Variants in ZNF133 observed in about 807,000 individuals in gnomAD.
The protein encoded by ZNF133 is zinc finger protein 133, also known as zinc finger protein 133 (clone pHZ-13).
In ZNF133, 26 loss-of-function variants were observed where a neutral mutation model predicts 54.9. The observed-to-expected ratio is 0.47, with a 90% confidence interval of 0.35 to 0.66. The LOEUF (loss-of-function observed/expected upper bound fraction) is 0.66, where lower values mean the gene tolerates loss of function less well. Among genes scored for constraint, ZNF133 ranks in the 30% least tolerant of loss-of-function variants. ZNF133 has a pLI of 0.01. For missense variants in ZNF133, 653 were observed against 820.8 expected, an observed-to-expected ratio of 0.80 and a Z score of 2.50; for synonymous variants, 298 against 320.3, an observed-to-expected ratio of 0.93 and a Z score of 0.74.
At position 18,315,695 on chromosome 20, in the gene ZNF133, A is replaced by C; in HGVS notation, c.844A>C (p.Lys282Gln). The C allele has an allele frequency of 6.2e-7, 1 of 1,613,848 alleles. No individual in the cohort carries two copies. Among genetic ancestry groups the C allele is most frequent in the South Asian group, 1.1e-5 (1 of 91,072 alleles). The change falls in exon 7 of 7, where the codon AAG (lysine) becomes CAG (glutamine). Residue 282 changes from lysine (K) to glutamine (Q), a missense_variant. Coordinates refer to ENST00000425686, the MANE Select transcript of ZNF133 (RefSeq NM_001352452.2). ...GGAGTGTGGACGAGGCTTTAACCGG[A>C]AGTCAACGCTAATCATACACGAACG... The part of the protein sequence containing the change: ...CRECGRGFNR[K>Q]STLIIHERTH...
At chr20:18,302,263 C>G (rs188813079) in intron 3 of ZNF133, among the ~76,000 whole-genome samples, 251 of 152,090 alleles carry the variant, frequency 1.7e-3, no homozygotes, top group Admixed American at 3.7e-3. Context: ...ATTAGCCAGG[C>G]ATGGTGGCAC....
intron 1 of ZNF133, among the ~76,000 whole-genome samples, chr20:18,296,459 C>A (rs2042256103): frequency 6.6e-6 from 1 of 152,192 alleles, no homozygotes; most frequent in South Asian, 2.1e-4. Context: ...CCTATTCTCC[C>A]TTACCCCAAC....
At chr20:18,306,589 C>T (rs868536391) in intron 6 of ZNF133, 196 bp downstream of exon 6, 20 of 862,768 alleles carry the variant, frequency 2.3e-5, no homozygotes, top group Middle Eastern at 4.8e-4. Flanking sequence ...CCTGGTGTCT[C>T]GTCTCCTTCC....
Position 18,316,006 on chromosome 20 carries a change from G to C in ZNF133, c.1155G>C (p.Lys385Asn). 6.2e-7 allele frequency: 1 copy of C among 1,611,886 alleles called. No individual in the cohort carries two copies. Among genetic ancestry groups the C allele is most frequent in the South Asian group, 1.1e-5 (1 of 90,976 alleles). Residue 385 changes from lysine to asparagine, a missense_variant, in exon 7 of 7, where the codon AAG becomes AAC. By Grantham distance (94) the Lys-to-Asn change is moderately conservative. Transcript: ENST00000425686. ...CTGGGGAGAAGCCCTACGCCTGCAA[G>C]GAGTGTGGGCGATGCTTCAGGCAGA... ...THSGEKPYAC[K>N]ECGRCFRQRT...
At position 18,316,717 on chromosome 20, in the gene ZNF133, C is replaced by G; in HGVS notation, c.1866C>G (p.Ser622Arg). 6.2e-7 allele frequency: 1 copy of G among 1,614,140 alleles called. No individual in the cohort carries two copies. The highest frequency in any genetic ancestry group is 8.5e-7 in the Non-Finnish European group (1 of 1,179,948). Residue 622 changes from serine (S) to arginine (R), a missense_variant, in exon 7 of 7, where the codon AGC becomes AGG. Physicochemically the swap from Ser to Arg is moderately radical, Grantham distance 110. Coordinates refer to ENST00000425686, the MANE Select transcript of ZNF133 (RefSeq NM_001352452.2). The part of the protein sequence containing the change: ...GRGFSLKSHL[S>R]RHRKTTSVHH... ...GCTTCAGCCTCAAGTCTCACCTCAG[C>G]AGACACAGGAAGACCACGTCTGTCC...
In ZNF133 at chr20:18,305,330, T is replaced by C. The variant is rs540258087; in HGVS notation, c.-7+152T>C. Among the ~76,000 whole-genome samples the C allele has an allele frequency of 6.6e-6, 1 of 152,296 alleles. No individual in the cohort carries two copies. The highest frequency in any genetic ancestry group is 1.5e-5 in the Non-Finnish European group (1 of 68,014). The stretch of plus-strand genomic sequence containing the variant: ...GGAATTACTGAGTTATAGTGGACTA[T>C]TTGATCTTTTAAATTCTTAAAACTC... On this transcript the variant is annotated intron_variant, in intron 4 of 6. Transcript: ENST00000425686. The surrounding 1 kb of genome is among the most constrained non-coding windows in gnomAD (Gnocchi z 4.7).
chr20:18,292,981 G>C (rs1020711501), intron 1 of ZNF133, among the ~76,000 whole-genome samples: 1 of 152,190 alleles, frequency 6.6e-6, no homozygotes, highest in Non-Finnish European at 1.5e-5. Context: ...CATTTGCCTT[G>C]ATAATTGGTT....
intron 6 of ZNF133, 168 bp downstream of exon 6, chr20:18,306,561 G>A (rs187263998): frequency 3.6e-5 from 31 of 860,160 alleles, no homozygotes; most frequent in Admixed American, 2.0e-4. Context: ...ATCTTCATTC[G>A]AGTATGGACG....
At chr20:18,304,071 C>T (rs180760751) in intron 3 of ZNF133, among the ~76,000 whole-genome samples, 37 of 152,194 alleles carry the variant, frequency 2.4e-4, no homozygotes, top group African/African-American at 7.0e-4. Flanking sequence ...AATAGAAGAA[C>T]GCCCCAGCTT....
rs111530866 is a variant in ZNF133 at position 18,315,622 on chromosome 20, C to T, written c.771C>T (p.Leu257=). ...AGGGCTTCAGCCTAAAGAAGAGCCT[C>T]GCCAGACACCAGAAGGCACACTCGG... is the stretch of plus-strand genomic sequence containing the variant. ...CEKGFSLKKS[L]ARHQKAHSGE... Residue 257 remains leucine, a synonymous_variant, in exon 7 of 7, where the codon CTC becomes CTT. Coordinates refer to ENST00000425686, the MANE Select transcript of ZNF133 (RefSeq NM_001352452.2). 5.7e-5 allele frequency: 92 copies of T among 1,613,814 alleles called. No individual in the cohort carries two copies. The highest frequency in any genetic ancestry group is 2.3e-4 in the African/African-American group (17 of 74,924).
intron 1 of ZNF133, among the ~76,000 whole-genome samples, chr20:18,294,839 T>C (rs1011839535): frequency 6.6e-6 from 1 of 152,242 alleles, no homozygotes; most frequent in African/African-American, 2.4e-5. Flanking sequence ...TGAAATATTT[T>C]GTTATTGCGA....
intron 1 of ZNF133, among the ~76,000 whole-genome samples, chr20:18,291,644 C>T (rs138572935): frequency 6.6e-6 from 1 of 152,132 alleles, no homozygotes; most frequent in East Asian, 1.9e-4. Context: ...GAGGCTCAGC[C>T]TAGAGCTCTG....
intron 1 of ZNF133, among the ~76,000 whole-genome samples, chr20:18,292,251 G>A (rs1410662267): frequency 1.3e-5 from 2 of 152,162 alleles, no homozygotes; most frequent in Admixed American, 6.5e-5. Context: ...AATGTAAATC[G>A]AATCATGTCA....
At chr20:18,306,760 G>T in intron 6 of ZNF133, 1 of 1,317,692 alleles carries the variant, frequency 7.6e-7, no homozygotes, top group Non-Finnish European at 1.0e-6. Flanking sequence ...AAGCCCAGTG[G>T]GAGGAAGAAA....
At chr20:18,289,150 T>C (rs552462856) in intron 1 of ZNF133, among the ~76,000 whole-genome samples, 1 of 152,122 alleles carries the variant, frequency 6.6e-6, no homozygotes, top group African/African-American at 2.4e-5. Context: ...CAAGCCAAGG[T>C]TAGACTGGAT....
At chr20:18,299,433 C>T (rs1358772519) in intron 3 of ZNF133, among the ~76,000 whole-genome samples, 1 of 152,052 alleles carries the variant, frequency 6.6e-6, no homozygotes, top group East Asian at 1.9e-4. Context: ...GTGAACAGAG[C>T]CTAAGGGAAC....
intron 1 of ZNF133, among the ~76,000 whole-genome samples, chr20:18,297,097 C>T (rs1330619943): frequency 6.6e-6 from 1 of 152,106 alleles, no homozygotes; most frequent in Non-Finnish European, 1.5e-5. Flanking sequence ...TGTTTTCTTA[C>T]ATTATACTTT....
chr20:18,306,799 G>A, intron 6 of ZNF133: 1 of 1,227,438 alleles, frequency 8.1e-7, no homozygotes. Context: ...AAATTGAAAT[G>A]GAATTCTAAA....
chr20:18,291,161 G>A (rs980086177), intron 1 of ZNF133, among the ~76,000 whole-genome samples: 3 of 152,106 alleles, frequency 2.0e-5, no homozygotes, highest in African/African-American at 7.2e-5. Context: ...TTTCTGCACT[G>A]CCCTAGCTTC....
Sources: gnomAD v4.1 joint callset for allele counts (sites outside exome capture counted in the v4.1 genomes callset) on GRCh38, gnomAD v4.1.1 for gene constraint, Gnocchi (gnomAD v3.1) non-coding constraint, MANE v1.5 for transcripts, NCBI Gene and HGNC (gene_info 2026-07-23, HGNC 2026-07-21) for gene names.